The following NRXN1 variants were observed in gnomAD, a reference collection of about 807,000 sequenced individuals.
NRXN1 encodes the protein neurexin 1.
In NRXN1, 39 loss-of-function variants were observed where a neutral mutation model predicts 150.9. The observed-to-expected ratio is 0.26, with a 90% CI of 0.20 to 0.34. NRXN1 has a LOEUF of 0.34. NRXN1 is among the 10% of genes least tolerant of loss of function. The probability of loss-of-function intolerance (pLI) is 1.00; values close to 1 mark genes in which losing one functional copy is unlikely to be tolerated. For synonymous variants in NRXN1, 924 were observed against 757.0 expected (o/e 1.22, Z -3.62); for missense variants, 1,815 against 1,949.9 (o/e 0.93, Z 1.30).
rs562461728 is a variant in NRXN1, at chr2:50,093,623, G to C, written c.3547-2129C>G. ...AACTCCTGCCTGGTTGACAGCGTAA[G>C]ACCCTGTCTCAAAATAAATAAATAT... On this transcript the variant is annotated intron_variant, in intron 18 of 22. Transcript: ENST00000401669. Among the ~76,000 whole-genome samples the C allele has an allele frequency of 5.3e-5, 8 of 152,194 alleles. No homozygotes were observed. In the South Asian group the frequency reaches 1.7e-3, roughly 32 times the overall value.
chr2:50,676,124 G>T (rs1409957850), intron 5 of NRXN1, among the ~76,000 whole-genome samples: 5 of 151,964 alleles, frequency 3.3e-5, no homozygotes, highest in Admixed American at 3.3e-4. Context: ...TGATTTTACA[G>T]GATATCTTGT....
At chr2:50,593,572 ATTATATTTGGGGT>A (rs1248241210) in intron 8 of NRXN1, among the ~76,000 whole-genome samples, 2 of 152,220 alleles carry the variant, frequency 1.3e-5, no homozygotes, top group Admixed American at 6.5e-5. Context: ...GAAATGCAAT[ATTATATTTGGGGT>A]TCTATCTGAT....
At chr2:50,630,306 G>A (rs1362966828) in intron 5 of NRXN1, among the ~76,000 whole-genome samples, 1 of 151,514 alleles carries the variant, frequency 6.6e-6, no homozygotes, top group Admixed American at 6.6e-5. Context: ...AAATGGATTG[G>A]TTTCAACACC....
intron 17 of NRXN1, among the ~76,000 whole-genome samples, chr2:50,308,390 T>C (rs1167768528): frequency 1.3e-5 from 2 of 152,182 alleles, no homozygotes; most frequent in Admixed American, 1.3e-4. Context: ...AGTGCAGTGG[T>C]GCTCCTTGCT....
chr2:50,418,660 C>T (rs918823926), intron 17 of NRXN1, among the ~76,000 whole-genome samples: 9 of 151,988 alleles, frequency 5.9e-5, no homozygotes, highest in African/African-American at 2.2e-4. Context: ...CAGGAGAACT[C>T]CCTTGGTATT....
chr2:50,219,180 G>A (rs552135024), intron 18 of NRXN1, among the ~76,000 whole-genome samples: 3 of 152,062 alleles, frequency 2.0e-5, no homozygotes, highest in South Asian at 4.2e-4. Context: ...AAACAGGTAC[G>A]TCTAGCTTTC....
At chr2:50,271,464 G>C (rs2069617203) in intron 17 of NRXN1, among the ~76,000 whole-genome samples, 1 of 152,090 alleles carries the variant, frequency 6.6e-6, no homozygotes, top group Non-Finnish European at 1.5e-5. Context: ...AGCTATTTTA[G>C]GAATGGTTAT....
intron 12 of NRXN1, among the ~76,000 whole-genome samples, chr2:50,520,781 T>A (rs1338766911): frequency 1.3e-5 from 2 of 152,078 alleles, no homozygotes; most frequent in Non-Finnish European, 2.9e-5. Context: ...GTACTCATCA[T>A]AATGGTCTAA....
chr2:49,981,393 G>A lies in NRXN1; in HGVS notation c.4129-37602C>T, dbSNP rs191184347. ...AAAATTGGAAAAAAGGAAGAATGAA[G>A]GGGAGGGAGGGAAGAGGGAAAAGAA... On this transcript the variant is annotated intron_variant, in intron 21 of 22. Transcript: ENST00000401669. 5.1e-3 allele frequency among the ~76,000 whole-genome samples: 773 copies of A among 152,096 alleles called. 2 individuals are homozygous for A. The highest frequency in any genetic ancestry group is 9.6e-3 in the Admixed American group (147 of 15,256).
chr2:50,937,588 G>T (rs1237322852), intron 2 of NRXN1, among the ~76,000 whole-genome samples: 2 of 152,080 alleles, frequency 1.3e-5, no homozygotes, highest in South Asian at 4.1e-4. Context: ...GGCAGTCCCA[G>T]ATTTATTAGT....
chr2:50,328,663 G>A (rs1180088010), intron 17 of NRXN1, among the ~76,000 whole-genome samples: 1 of 152,168 alleles, frequency 6.6e-6, no homozygotes, highest in Non-Finnish European at 1.5e-5. Context: ...TTGAAACCAG[G>A]AGGCAGAGGT....
At chr2:49,975,851 C>T (rs572544911) in intron 21 of NRXN1, among the ~76,000 whole-genome samples, 1 of 152,188 alleles carries the variant, frequency 6.6e-6, no homozygotes, top group South Asian at 2.1e-4. Context: ...AGGTGAAATA[C>T]TCTTCATCTG....
intron 21 of NRXN1, among the ~76,000 whole-genome samples, chr2:49,961,320 G>GCACACACACACA (rs71401054): frequency 3.4e-5 from 5 of 145,780 alleles, no homozygotes; most frequent in Non-Finnish European, 6.1e-5. Flanking sequence ...GCGCACGCAT[G>GCACACACACACA]CACACACACA....
chr2:50,866,343 T>C (rs748449123), intron 5 of NRXN1, among the ~76,000 whole-genome samples: 1 of 151,996 alleles, frequency 6.6e-6, no homozygotes, highest in Non-Finnish European at 1.5e-5. Flanking sequence ...TAAATTATTA[T>C]GAATTGTGTA....
chr2:50,542,021 C>T (rs1409904148), intron 9 of NRXN1, among the ~76,000 whole-genome samples: 2 of 152,178 alleles, frequency 1.3e-5, no homozygotes, highest in African/African-American at 4.8e-5. Context: ...GTGGCTCATG[C>T]CTGTAATCCC....
At chr2:51,023,912 T>A (rs1308329784) in intron 2 of NRXN1, among the ~76,000 whole-genome samples, 1 of 152,156 alleles carries the variant, frequency 6.6e-6, no homozygotes, top group Non-Finnish European at 1.5e-5. Flanking sequence ...TCAGGAAGCA[T>A]AAGCCATACG....
At chr2:49,929,625 T>A (rs1215974457) in intron 22 of NRXN1, among the ~76,000 whole-genome samples, 1 of 152,058 alleles carries the variant, frequency 6.6e-6, no homozygotes, top group African/African-American at 2.4e-5. Flanking sequence ...CCAAAAAGAG[T>A]TCAACCTTTA....
chr2:50,321,970 A>G (rs1365272320), intron 17 of NRXN1, among the ~76,000 whole-genome samples: 1 of 151,524 alleles, frequency 6.6e-6, no homozygotes, highest in Non-Finnish European at 1.5e-5. Flanking sequence ...TAGCTGAGTT[A>G]TCATTGATGC....
chr2:50,198,810 C>A (rs61340936), intron 18 of NRXN1, among the ~76,000 whole-genome samples: 1 of 152,022 alleles, frequency 6.6e-6, no homozygotes, highest in African/African-American at 2.4e-5. Flanking sequence ...TTGTACTCTG[C>A]AAATTTCTTC....
Sources: gnomAD v4.1 joint callset for allele counts (sites outside exome capture counted in the v4.1 genomes callset) on GRCh38, gnomAD v4.1.1 for gene constraint, MANE v1.5 for transcripts, NCBI Gene and HGNC (gene_info 2026-07-23, HGNC 2026-07-21) for gene names.